RNF216: variants seen among roughly 807,000 people sequenced by gnomAD.
RNF216 encodes the protein ring finger protein 216, also known as E3 ubiquitin-protein ligase RNF216.
In RNF216, 72 loss-of-function variants were observed where a neutral mutation model predicts 110.8. The ratio of observed to expected loss-of-function variants is 0.65; its 90% CI spans 0.54 to 0.79. RNF216 has a LOEUF of 0.79. Among genes scored for constraint, RNF216 ranks in the 30% least tolerant of loss-of-function variants. The probability of loss-of-function intolerance (pLI) is 0.00; values close to 1 mark genes in which losing one functional copy is unlikely to be tolerated. For missense variants in RNF216, 1,342 were observed against 1,141.2 expected (o/e 1.18, Z -2.54); for synonymous variants, 495 against 407.5 (o/e 1.21, Z -2.59).
chr7:5,668,327 C>T (rs1789664474), intron 13 of RNF216, among the ~76,000 whole-genome samples: 2 of 151,818 alleles, frequency 1.3e-5, no homozygotes, highest in South Asian at 4.2e-4. Flanking sequence ...AGGTTCACAC[C>T]ATTCTCCTGC....
chr7:5,671,308 A>G (rs1789891828), intron 13 of RNF216, among the ~76,000 whole-genome samples: 2 of 152,090 alleles, frequency 1.3e-5, no homozygotes, highest in East Asian at 1.9e-4. Flanking sequence ...TGTTTTCCCA[A>G]CTGAATCACA....
chr7:5,632,370 C>A (rs1562772070), intron 15 of RNF216, among the ~76,000 whole-genome samples: 1 of 152,344 alleles, frequency 6.6e-6, no homozygotes, highest in South Asian at 2.1e-4. Context: ...CTCCTTCTGG[C>A]CCCTCCTAAT....
At chr7:5,779,076 T>G (rs972091927) in intron 1 of RNF216, among the ~76,000 whole-genome samples, 12 of 152,238 alleles carry the variant, frequency 7.9e-5, no homozygotes, top group African/African-American at 2.4e-5. Flanking sequence ...ATAATGCAAA[T>G]ATAATGATAT....
chr7:5,653,360 G>C (rs570259058), intron 13 of RNF216, among the ~76,000 whole-genome samples: 1 of 152,034 alleles, frequency 6.6e-6, no homozygotes, highest in Non-Finnish European at 1.5e-5. Context: ...GGAGGCCGAG[G>C]TGGGCGGATC....
intron 13 of RNF216, among the ~76,000 whole-genome samples, chr7:5,676,154 C>A (rs1377460277): frequency 6.6e-6 from 1 of 151,840 alleles, no homozygotes; most frequent in African/African-American, 2.4e-5. Context: ...GGACTACAGG[C>A]ATATGCCACC....
intron 13 of RNF216, among the ~76,000 whole-genome samples, chr7:5,665,849 T>A (rs1191531970): frequency 6.6e-6 from 1 of 151,316 alleles, no homozygotes; most frequent in Non-Finnish European, 1.5e-5. Flanking sequence ...GGCAATGGCA[T>A]CATGTGGACA....
At chr7:5,773,127 G>A (rs1796587203) in intron 1 of RNF216, among the ~76,000 whole-genome samples, 1 of 152,064 alleles carries the variant, frequency 6.6e-6, no homozygotes, top group Admixed American at 6.6e-5. Flanking sequence ...GTAAGTTTGG[G>A]TCTCTCATTT....
intron 15 of RNF216, among the ~76,000 whole-genome samples, chr7:5,639,931 T>G (rs1024529666): frequency 1.3e-5 from 2 of 152,064 alleles, no homozygotes; most frequent in African/African-American, 2.4e-5. Flanking sequence ...GGCTAATTTT[T>G]TGTATTTTTA....
Position 5,729,420 on chromosome 7 carries a change from C to T in RNF216, c.1389+12G>A, listed in dbSNP as rs1793954075. 2.5e-6 allele frequency: 4 copies of T among 1,613,496 alleles called. No individual in the cohort carries two copies. The highest frequency in any genetic ancestry group is 3.4e-6 in the Non-Finnish European group (4 of 1,179,682). ...AGAGGTGTGACCCCAACAGGAAGACCAAGTAGAGTACCTTTCGGGTGATTG... is the reference window on the plus strand; with the variant it reads ...AGAGGTGTGACCCCAACAGGAAGACTAAGTAGAGTACCTTTCGGGTGATTG... On this transcript the variant is annotated intron_variant, in intron 7 of 16. Coordinates refer to ENST00000389902, the MANE Select transcript of RNF216 (RefSeq NM_207111.4).
intron 12 of RNF216, among the ~76,000 whole-genome samples, chr7:5,712,496 G>A (rs1423782262): frequency 2.0e-5 from 3 of 151,886 alleles, no homozygotes; most frequent in East Asian, 1.9e-4. Flanking sequence ...GAAGTTTGAG[G>A]GGCAGATTTT....
chr7:5,733,279 A>C (rs530383515), intron 5 of RNF216: 1 of 152,184 alleles, frequency 6.6e-6, no homozygotes, highest in Non-Finnish European at 1.5e-5. Flanking sequence ...CGAGAATTTT[A>C]ATGTGTTTAA....
Position 5,622,518 on chromosome 7 carries a change from G to T in RNF216, c.*342C>A, listed in dbSNP as rs371482772. ...TCGGCTGCCTTGCTACCCAGGGGTCGGCTCCGAGGAGAGGCCCAGGTGTGA... is the reference window on the plus strand; with the variant it reads ...TCGGCTGCCTTGCTACCCAGGGGTCTGCTCCGAGGAGAGGCCCAGGTGTGA... On this transcript the variant is annotated 3_prime_UTR_variant, in exon 17 of 17. Transcript: ENST00000389902. 1 of 228,170 alleles carries T rather than the reference G, an allele frequency of 4.4e-6. No individual in the cohort carries two copies. The highest frequency in any genetic ancestry group is 8.5e-6 in the Non-Finnish European group (1 of 117,540). 14.1% of individuals were successfully genotyped at this position (228,170 alleles called of 1,614,324 possible). A position where few individuals can be genotyped will look rare whatever the true frequency, so the allele number is the denominator to read the frequency against.
chr7:5,660,121 T>G (rs1460278712), intron 13 of RNF216, among the ~76,000 whole-genome samples: 1 of 151,610 alleles, frequency 6.6e-6, no homozygotes, highest in Non-Finnish European at 1.5e-5. Context: ...CAGCTAAATT[T>G]TGTTATTTTA....
intron 1 of RNF216, among the ~76,000 whole-genome samples, chr7:5,762,590 G>A (rs551173427): frequency 1.3e-5 from 2 of 152,116 alleles, no homozygotes; most frequent in African/African-American, 4.8e-5. Context: ...TAGTCAGGAA[G>A]CTAAGGCAGG....
intron 13 of RNF216, among the ~76,000 whole-genome samples, chr7:5,703,487 C>G (rs531428993): frequency 1.6e-4 from 25 of 152,210 alleles, no homozygotes; most frequent in Non-Finnish European, 3.4e-4. Context: ...CTGCAGATGC[C>G]TGTTTTTTAA....
intron 13 of RNF216, among the ~76,000 whole-genome samples, chr7:5,659,563 G>A (rs1788970186): frequency 6.6e-6 from 1 of 152,208 alleles, no homozygotes; most frequent in Admixed American, 6.5e-5. Flanking sequence ...CTGACCAGGT[G>A]GGAAATGCAA....
intron 13 of RNF216, among the ~76,000 whole-genome samples, chr7:5,674,774 T>C (rs538947257): frequency 5.1e-4 from 77 of 152,150 alleles, no homozygotes; most frequent in African/African-American, 1.6e-3. Flanking sequence ...GGTTGGCAGA[T>C]CACCTGAGAT....
intron 13 of RNF216, among the ~76,000 whole-genome samples, chr7:5,705,984 G>A (rs1159894580): frequency 6.6e-6 from 1 of 151,404 alleles, no homozygotes; most frequent in Non-Finnish European, 1.5e-5. Flanking sequence ...CTGGGAGGCC[G>A]AAGCAGGTGG....
At chr7:5,738,577 A>G (rs1020048435) in intron 5 of RNF216, among the ~76,000 whole-genome samples, 1 of 151,714 alleles carries the variant, frequency 6.6e-6, no homozygotes, top group Non-Finnish European at 1.5e-5. Flanking sequence ...GCGTGCTGGC[A>G]GGCGCCTGTA....
Sources: allele counts gnomAD v4.1 joint callset (sites outside exome capture counted in the v4.1 genomes callset), GRCh38; gene constraint gnomAD v4.1.1; transcripts MANE v1.5; gene names NCBI Gene and HGNC (gene_info 2026-07-23, HGNC 2026-07-21).